The following PRDM10 variants were observed in gnomAD, a reference collection of about 807,000 sequenced individuals.
PRDM10 encodes the protein PR domain zinc finger protein 10.
A neutral mutation model predicts 133.1 loss-of-function variants in PRDM10; 65 were observed. That is an observed-to-expected ratio of 0.49 (90% CI 0.40 to 0.60). The LOEUF (loss-of-function observed/expected upper bound fraction) is 0.60, where lower values mean the gene tolerates loss of function less well. Among genes scored for constraint, PRDM10 ranks in the 20% least tolerant of loss-of-function variants. The probability of loss-of-function intolerance (pLI) is 0.00; values close to 1 mark genes in which losing one functional copy is unlikely to be tolerated. For missense variants in PRDM10, 1,137 were observed against 1,507.1 expected, an observed-to-expected ratio of 0.75 and a Z score of 4.07; for synonymous variants, 582 against 580.4, an observed-to-expected ratio of 1.00 and a Z score of -0.04.
chr11:129,984,901 C>T (rs1342916905), intron 1 of PRDM10, among the ~76,000 whole-genome samples: 1 of 152,220 alleles, frequency 6.6e-6, no homozygotes, highest in Non-Finnish European at 1.5e-5. Flanking sequence ...TTCTCATTAT[C>T]CAGATCTCAG....
At chr11:130,002,229 G>C (rs1206381933) in intron 1 of PRDM10, among the ~76,000 whole-genome samples, 2 of 148,984 alleles carry the variant, frequency 1.3e-5, no homozygotes, top group South Asian at 2.1e-4. Context: ...CGCCGCCGCC[G>C]GAGCGCGCAG....
Position 129,902,226 on chromosome 11 carries a change from C to A in PRDM10, c.*87G>T. On this transcript the variant is annotated 3_prime_UTR_variant, in exon 21 of 21. Transcript: ENST00000360871. Reference sequence around the variant, plus strand: ...CCGAACTCTTGAGTGAATAATAAATCTTACAAAAGAGCTCTACGTGTCAGA... The same window carrying A: ...CCGAACTCTTGAGTGAATAATAAATATTACAAAAGAGCTCTACGTGTCAGA... 1 of 1,475,296 alleles carries A rather than the reference C, an allele frequency of 6.8e-7. No individual in the cohort carries two copies. Among genetic ancestry groups the A allele is most frequent in the Non-Finnish European group, 9.2e-7 (1 of 1,089,110 alleles). 91.4% of individuals were successfully genotyped at this position (1,475,296 alleles called of 1,614,324 possible).
intron 11 of PRDM10, among the ~76,000 whole-genome samples, chr11:129,929,986 G>A (rs943142300): frequency 6.6e-5 from 10 of 152,188 alleles, no homozygotes; most frequent in African/African-American, 9.7e-5. Flanking sequence ...AGTTTCATAT[G>A]TTTCGATTAC....
intron 18 of PRDM10, among the ~76,000 whole-genome samples, chr11:129,911,770 C>A (rs987137220): frequency 1.3e-5 from 2 of 152,062 alleles, no homozygotes; most frequent in African/African-American, 4.8e-5. Flanking sequence ...TAAAATATAC[C>A]ATAATACTCC....
At chr11:129,955,372 T>C in intron 4 of PRDM10, 140 bp downstream of exon 4, 2 of 702,878 alleles carry the variant, frequency 2.8e-6, no homozygotes, top group Non-Finnish European at 2.3e-6. Flanking sequence ...TTTGCTTTGT[T>C]TTCATTAAAG....
chr11:129,944,960 G>A lies in PRDM10; in HGVS notation c.573C>T (p.Pro191=), dbSNP rs927776866. Residue 191 remains proline, a synonymous_variant, in exon 6 of 21, where the codon CCC becomes CCT. Transcript: ENST00000360871. The stretch of plus-strand genomic sequence containing the variant: ...CCGGCCGGTTGGGGATCGGGTGCAA[G>A]GGGCCGTGCTTCGGACACACTGAAG... ...AHASVCPKHG[P]LHPIPNRPVL... is the part of the protein sequence containing the mutation. 8.7e-6 allele frequency: 14 copies of A among 1,613,592 alleles called. No homozygotes were observed. The Admixed American group carries it at 1.8e-4, about 21-fold the overall frequency.
chr11:129,955,028 G>T (rs537859765), intron 4 of PRDM10, among the ~76,000 whole-genome samples: 11 of 152,056 alleles, frequency 7.2e-5, no homozygotes, highest in Non-Finnish European at 1.5e-4. Flanking sequence ...AAGCCAAGTA[G>T]GATATATCAG....
intron 1 of PRDM10, among the ~76,000 whole-genome samples, chr11:129,965,309 A>T (rs963635414): frequency 1.3e-5 from 2 of 152,238 alleles, no homozygotes; most frequent in African/African-American, 4.8e-5. Context: ...AATATCTTTG[A>T]TAGTAAGGCT....
rs1950989015 is a variant in PRDM10 at position 129,935,181 on chromosome 11, T to C, written c.1077A>G (p.Glu359=). The C allele has an allele frequency of 5.6e-6, 9 of 1,614,076 alleles. No homozygotes were observed. Among genetic ancestry groups the C allele is most frequent in the Non-Finnish European group, 5.9e-6 (7 of 1,179,946 alleles). The change falls in exon 9 of 21, where the codon GAA becomes GAG. Residue 359 remains glutamate (E), a synonymous_variant. Coordinates refer to ENST00000360871, the MANE Select transcript of PRDM10 (RefSeq NM_199437.2). ...REQEKNWPCY[E]CNRRFISSEQ... ...CCGAGCTTATAAATCGGCGGTTACA[T>C]TCATAGCAGGGCCAATTCTTCTCTT...
In PRDM10 at chr11:129,931,566, A is replaced by ATTT. The variant is rs1164067658; in HGVS notation, c.1288-311_1288-309dup. Among the ~76,000 whole-genome samples, 212 of 124,410 alleles carry ATTT rather than the reference A, an allele frequency of 1.7e-3. 1 individual carries two copies. Among genetic ancestry groups the ATTT allele is most frequent in the Non-Finnish European group, 2.7e-3 (160 of 59,248 alleles). The allele number at this position is 124,410 out of a possible 152,430, so 81.6% of individuals were successfully genotyped here. On this transcript the variant is annotated intron_variant, in intron 10 of 20. Transcript: ENST00000360871. ...TTATTTATTTATTTATTTTTATTTTATTTTATTTTATTTTTTTTTTGAGAC... is the reference window on the plus strand; with the variant it reads ...TTATTTATTTATTTATTTTTATTTTATTTTTTTATTTTATTTTTTTTTTGAGAC...
intron 1 of PRDM10, among the ~76,000 whole-genome samples, chr11:130,000,218 A>G (rs937733636): frequency 3.3e-5 from 5 of 151,772 alleles, no homozygotes; most frequent in Non-Finnish European, 7.4e-5. Flanking sequence ...CAATTTTTGT[A>G]TTTTTAGTAG....
At chr11:129,916,505 G>T (rs954748317) in intron 15 of PRDM10, among the ~76,000 whole-genome samples, 13 of 152,178 alleles carry the variant, frequency 8.5e-5, no homozygotes, top group Admixed American at 4.6e-4. Flanking sequence ...GGGCGTGGGG[G>T]CTGGCGCCTG....
chr11:129,985,809 A>AAAAAAAATAAATATATATAT (rs1565512177), intron 1 of PRDM10, among the ~76,000 whole-genome samples: 1 of 61,094 alleles, frequency 1.6e-5, no homozygotes, highest in African/African-American at 8.2e-5. Context: ...AAAAAAAAAA[A>AAAAAAAATAAATATATATAT]ATATATATAT....
At position 129,914,866 on chromosome 11, in the gene PRDM10, G is replaced by C; in HGVS notation, c.2679C>G (p.Asp893Glu). The C allele has an allele frequency of 6.2e-7, 1 of 1,614,162 alleles. No homozygotes were observed. Among genetic ancestry groups the C allele is most frequent in the East Asian group, 2.2e-5 (1 of 44,872 alleles). ...SATGETVVTT[D>E]LLTQAMTELS... ...GTTCTGTCATTGCTTGGGTGAGCAG[G>C]TCCGTCGTCACCACAGTCTCTCCAG... Residue 893 changes from aspartate to glutamate, a missense_variant, in exon 17 of 21, where the codon GAC (aspartate) becomes GAG (glutamate). Asp to Glu is a conservative substitution (Grantham distance 45, BLOSUM62 2). Coordinates refer to ENST00000360871, the MANE Select transcript of PRDM10 (RefSeq NM_199437.2).
At chr11:129,994,532 G>A (rs1179322491) in intron 1 of PRDM10, among the ~76,000 whole-genome samples, 1 of 151,708 alleles carries the variant, frequency 6.6e-6, no homozygotes, top group African/African-American at 2.4e-5. Flanking sequence ...CAGCTACTCG[G>A]TTGGCTGAGA....
chr11:129,932,091 T>TC lies in PRDM10; in HGVS notation c.1287+10dup, dbSNP rs1487800216. ...AGCACCTAAGGAGGGCTCCTTCCCG[T>TC]CCCCCCGTACCTGTGTCCCATCGTC... On this transcript the variant is annotated intron_variant, in intron 10 of 20. Transcript: ENST00000360871. The TC allele has an allele frequency of 1.9e-6, 3 of 1,610,326 alleles. No individual in the cohort carries two copies. The highest frequency in any genetic ancestry group is 1.3e-5 in the African/African-American group (1 of 74,810).
chr11:129,991,451 A>T (rs1288763137), intron 1 of PRDM10, among the ~76,000 whole-genome samples: 1 of 152,196 alleles, frequency 6.6e-6, no homozygotes, highest in African/African-American at 2.4e-5. Context: ...TGGGAGGCCC[A>T]GGTGGGCAGA....
At chr11:129,919,244 G>A (rs765442830) in intron 13 of PRDM10, among the ~76,000 whole-genome samples, 7 of 152,128 alleles carry the variant, frequency 4.6e-5, no homozygotes, top group East Asian at 3.9e-4. Context: ...GGTGGCACAC[G>A]TAATCCCAGC....
chr11:129,997,729 T>C (rs960668738), intron 1 of PRDM10, among the ~76,000 whole-genome samples: 5 of 152,266 alleles, frequency 3.3e-5, no homozygotes, highest in Admixed American at 6.5e-5. Flanking sequence ...CTTTTTTTAA[T>C]GGATTATGTG....
Sources: allele counts gnomAD v4.1 joint callset (sites outside exome capture counted in the v4.1 genomes callset), GRCh38; gene constraint gnomAD v4.1.1; transcripts MANE v1.5; gene names NCBI Gene and HGNC (gene_info 2026-07-23, HGNC 2026-07-21).